DNAH17: variants seen among roughly 807,000 people sequenced by gnomAD.
The protein encoded by DNAH17 is axonemal beta dynein heavy chain 17.
A neutral mutation model predicts 485.6 loss-of-function variants in DNAH17; 376 were observed. The ratio of observed to expected loss-of-function variants is 0.77; its 90% CI spans 0.71 to 0.84. DNAH17 has a LOEUF of 0.84. Among genes scored for constraint, DNAH17 ranks in the 40% least tolerant of loss-of-function variants. The probability of loss-of-function intolerance (pLI) is 0.00; values close to 1 mark genes in which losing one functional copy is unlikely to be tolerated. For synonymous variants in DNAH17, 3,031 were observed against 2,405.9 expected (o/e 1.26, Z -7.60); for missense variants, 6,370 against 5,839.3 (o/e 1.09, Z -2.96).
Position 78,468,735 on chromosome 17 carries a change from T to C in DNAH17, c.8660A>G (p.Glu2887Gly). Residue 2887 changes from glutamate (E) to glycine (G), a missense_variant, in exon 55 of 81, where the codon GAG becomes GGG. Physicochemically the swap from Glu to Gly is moderately conservative, Grantham distance 98 (BLOSUM62 -2). Transcript: ENST00000389840. ...GGAGATGATGTTCTCCACCTCGTCC[T>C]CCATAAACAGCCCAGGGATCTCTCC... is the stretch of plus-strand genomic sequence containing the variant. ...ASGEIPGLFM[E>G]DEVENIISSM... 2 of 1,614,040 alleles carry C rather than the reference T, an allele frequency of 1.2e-6. No individual in the cohort carries two copies. Among genetic ancestry groups the C allele is most frequent in the South Asian group, 1.1e-5 (1 of 91,088 alleles).
At chr17:78,524,705 TAAAA>T (rs201187328) in intron 25 of DNAH17, among the ~76,000 whole-genome samples, 9,209 of 151,404 alleles carry the variant, frequency 0.061, 378 homozygotes, top group South Asian at 0.13. Context: ...AAAATTTCTT[TAAAA>T]AAGGTGAGAT....
intron 37 of DNAH17, chr17:78,496,764 T>C (rs2090089386): frequency 6.7e-6 from 1 of 149,208 alleles, no homozygotes; most frequent in African/African-American, 2.5e-5. Flanking sequence ...CTCCACCTCC[T>C]GGGTTCGCCC....
intron 50 of DNAH17, among the ~76,000 whole-genome samples, 159 bp from the exon 51 acceptor site, chr17:78,479,275 T>G (rs893556576): frequency 4.7e-4 from 72 of 152,348 alleles, no homozygotes; most frequent in African/African-American, 1.6e-3. Context: ...CTGTTCTCCT[T>G]AAATCATTTG....
At chr17:78,450,934 C>A in intron 66 of DNAH17, 88 bp from the exon 67 acceptor site, 1 of 1,523,368 alleles carries the variant, frequency 6.6e-7, no homozygotes, top group Non-Finnish European at 9.0e-7. Flanking sequence ...GTAGCTGAGC[C>A]AAGGCCCAGG....
intron 41 of DNAH17, among the ~76,000 whole-genome samples, chr17:78,493,482 T>C (rs2089947401): frequency 6.6e-6 from 1 of 152,264 alleles, no homozygotes; most frequent in Non-Finnish European, 1.5e-5. Context: ...TGTATGTGTA[T>C]GTCCGAGTTC....
chr17:78,483,221 C>T (rs546897586), intron 48 of DNAH17, among the ~76,000 whole-genome samples: 33 of 152,362 alleles, frequency 2.2e-4, no homozygotes, highest in African/African-American at 7.2e-4. Context: ...CCTCTGATGC[C>T]TCCGTCCCCA....
intron 35 of DNAH17, 181 bp downstream of exon 35, chr17:78,501,003 C>T: frequency 1.6e-6 from 1 of 642,268 alleles, no homozygotes; most frequent in Non-Finnish European, 2.4e-6. Flanking sequence ...TCTCCCAAGG[C>T]CACACAGCCG....
intron 37 of DNAH17, 117 bp from the exon 38 acceptor site, chr17:78,496,149 C>T: frequency 6.2e-6 from 7 of 1,132,560 alleles, no homozygotes; most frequent in Non-Finnish European, 7.3e-6. Context: ...AAATTCAAAC[C>T]TCCTAGTTTA....
At position 78,544,800 on chromosome 17, in the gene DNAH17, C is replaced by CAAAAAAAA. The variant is rs55669221; in HGVS notation, c.2392-811_2392-804dup. 1.4e-3 allele frequency among the ~76,000 whole-genome samples: 65 copies of CAAAAAAAA among 46,860 alleles called. 4 individuals are homozygous for CAAAAAAAA. Among genetic ancestry groups the CAAAAAAAA allele is most frequent in the East Asian group, 0.014 (22 of 1,626 alleles). The allele number at this position is 46,860 out of a possible 152,430, so 30.7% of individuals were successfully genotyped here. On this transcript the variant is annotated intron_variant, in intron 16 of 80. Transcript: ENST00000389840. The stretch of plus-strand genomic sequence containing the variant: ...TGGGGCACAGAGCGAGACTCAGTCT[C>CAAAAAAAA]AAAAAAAAAAAAAAAAAAAAAAAAG...
rs2090528105 is a variant in DNAH17, at chr17:78,507,763, G to A, written c.4279C>T (p.Gln1427Ter). 1 of 1,586,832 alleles carries A rather than the reference G, an allele frequency of 6.3e-7. No individual in the cohort carries two copies. ...CCTGTCCGCGGGTGCGGCTCGTGCTGGAATTCCATCATGCTCCAGGTACTG... is the reference window on the plus strand; with the variant it reads ...CCTGTCCGCGGGTGCGGCTCGTGCTAGAATTCCATCATGCTCCAGGTACTG... Reference protein sequence around the residue: ...LDSTWSMMEFQHEPHPRTGTM... With the variant: ...LDSTWSMMEF The change falls in exon 28 of 81, where the codon CAG becomes TAG. Residue 1427 changes from glutamine to a stop codon, truncating the protein, a stop_gained. Transcript: ENST00000389840. LOFTEE classifies it high-confidence loss of function.
Position 78,525,176 on chromosome 17 carries a change from G to T in DNAH17, c.3712-15C>A. ...CTCTTTTGTTGCTAGGGGCGGCGAG[G>T]GGGCCGTCAGTAGGGCTACCTACCC... is the stretch of plus-strand genomic sequence containing the variant. On this transcript the variant is annotated splice_polypyrimidine_tract_variant and intron_variant, in intron 24 of 80. Transcript: ENST00000389840. 6.2e-7 allele frequency: 1 copy of T among 1,609,648 alleles called. No homozygotes were observed.
rs763823748 is a variant in DNAH17, at chr17:78,449,501, G to T, written c.11124C>A (p.Asp3708Glu). The change falls in exon 69 of 81, where the codon GAC (aspartate) becomes GAA (glutamate). Residue 3708 changes from aspartate to glutamate, a missense_variant. Physicochemically the swap from Asp to Glu is conservative, Grantham distance 45 (BLOSUM62 2). Transcript: ENST00000389840. The stretch of plus-strand genomic sequence containing the variant: ...ACATGTAGACGGAGTAGGTGATCTC[G>T]TCCGTCAGGTTGATCACCCGCTGCT... ...EVKQRVINLT[D>E]EITYSVYMYT... The T allele has an allele frequency of 6.3e-7, 1 of 1,584,404 alleles. No homozygotes were observed. The highest frequency in any genetic ancestry group is 8.6e-7 in the Non-Finnish European group (1 of 1,165,278).
At chr17:78,535,167 T>C (rs1040860782) in intron 19 of DNAH17, among the ~76,000 whole-genome samples, 1 of 152,176 alleles carries the variant, frequency 6.6e-6, no homozygotes, top group Non-Finnish European at 1.5e-5. Flanking sequence ...CAGCTCTGTC[T>C]GCAGCAACCG....
rs756979831 is a variant in DNAH17, at chr17:78,490,699, G to A, written c.6818C>T (p.Pro2273Leu). ...ACAGGAAAGCCAAAGCCCCACTCAC[G>A]GGTTCCATCCCAGGTCGGCTGGGTT... ...YINPADLGWNPVVSSWIERRK... is the reference protein window; with the variant it reads ...YINPADLGWNLVVSSWIERRK... The change falls in exon 44 of 81, where the codon CCG (proline) becomes CTG (leucine). Residue 2273 changes from proline (P) to leucine (L), a missense_variant and splice_region_variant. Physicochemically the swap from Pro to Leu is moderately conservative, Grantham distance 98. Transcript: ENST00000389840. 6.2e-6 allele frequency: 10 copies of A among 1,605,646 alleles called. No homozygotes were observed. The highest frequency in any genetic ancestry group is 1.1e-5 in the South Asian group (1 of 89,594).
intron 54 of DNAH17, among the ~76,000 whole-genome samples, chr17:78,470,710 G>C (rs2088709451): frequency 6.6e-6 from 1 of 152,094 alleles, no homozygotes; most frequent in Non-Finnish European, 1.5e-5. Flanking sequence ...ATAAGTAACA[G>C]TGAAAATGGT....
chr17:78,491,362 T>C, intron 43 of DNAH17, 81 bp downstream of exon 43: 1 of 1,534,354 alleles, frequency 6.5e-7, no homozygotes, highest in Non-Finnish European at 8.8e-7. Flanking sequence ...AGGGCCTGAG[T>C]GCTCCGTAGG....
intron 54 of DNAH17, chr17:78,472,756 C>G: frequency 2.2e-6 from 1 of 455,216 alleles, no homozygotes; most frequent in South Asian, 1.6e-5. Context: ...TTTCCCCTCC[C>G]CCTCCGTTCT....
chr17:78,455,047 T>C (rs548278809), intron 63 of DNAH17, among the ~76,000 whole-genome samples: 8 of 152,116 alleles, frequency 5.3e-5, no homozygotes, highest in South Asian at 2.1e-4. Context: ...GTAGTTGGGA[T>C]TACAGGTGCC....
chr17:78,450,732 C>T lies in DNAH17; in HGVS notation c.10849G>A (p.Val3617Met), dbSNP rs775867208. 2 of 1,614,026 alleles carry T rather than the reference C, an allele frequency of 1.2e-6. No homozygotes were observed. Among genetic ancestry groups the T allele is most frequent in the Admixed American group, 1.7e-5 (1 of 60,028 alleles). The stretch of plus-strand genomic sequence containing the variant: ...TGCTTGGTGGTCTCCAGATTCTCCA[C>T]CAAGGCCGTGTCTCCCAGAAAGTTC... ...SGNFLGDTAL[V>M]ENLETTKHTA... Residue 3617 changes from valine (V) to methionine (M), a missense_variant, in exon 67 of 81, where the codon GTG becomes ATG. By Grantham distance (21) the Val-to-Met change is conservative. Coordinates refer to ENST00000389840, the MANE Select transcript of DNAH17 (RefSeq NM_173628.4).
Sources: gnomAD v4.1 joint callset for allele counts (sites outside exome capture counted in the v4.1 genomes callset) on GRCh38, gnomAD v4.1.1 for gene constraint, MANE v1.5 for transcripts, NCBI Gene and HGNC (gene_info 2026-07-23, HGNC 2026-07-21) for gene names.